Variants in FLACC1 observed in about 807,000 individuals in gnomAD.
The protein encoded by FLACC1 is flagellum associated containing coiled-coil domains 1.
A neutral mutation model predicts 62.8 loss-of-function variants in FLACC1; 66 were observed. That is an observed-to-expected ratio of 1.05 (90% confidence interval 0.86 to 1.29). The LOEUF (loss-of-function observed/expected upper bound fraction) is 1.29. Ranked by LOEUF, FLACC1 falls within the 50% of genes most tolerant of loss-of-function variation. FLACC1 has a pLI of 0.00. For synonymous variants in FLACC1, 156 were observed against 161.0 expected (o/e 0.97, Z 0.24); for missense variants, 452 against 489.1 (o/e 0.92, Z 0.71).
intron 9 of FLACC1, among the ~76,000 whole-genome samples, chr2:201,320,682 C>T (rs1197214281): frequency 6.6e-6 from 1 of 152,176 alleles, no homozygotes; most frequent in African/African-American, 2.4e-5. Context: ...TGCTGCTTGC[C>T]CTGCACAGGG....
In FLACC1 at chr2:201,289,787, T is replaced by G. The variant is rs996032795; in HGVS notation, c.943-2A>C. On this transcript the variant is annotated splice_acceptor_variant, in intron 12 of 14. Coordinates refer to ENST00000392257, the MANE Select transcript of FLACC1 (RefSeq NM_001127391.3). LOFTEE classifies it high-confidence loss of function. ...TGCATGCAATTCTTCCTGCATGACC[T>G]GCATAAGAAGAAGCTGTTGCAGGAC... The G allele has an allele frequency of 2.5e-6, 4 of 1,614,092 alleles. No homozygotes were observed. In the African/African-American group the frequency reaches 5.3e-5, roughly 22 times the overall value.
At chr2:201,344,627 A>C (rs1950877660) in intron 5 of FLACC1, among the ~76,000 whole-genome samples, 1 of 152,202 alleles carries the variant, frequency 6.6e-6, no homozygotes, top group Admixed American at 6.5e-5. Context: ...AGGATTAGGA[A>C]ATTAGAAGAT....
chr2:201,348,161 C>T, intron 4 of FLACC1, 93 bp downstream of exon 4: 1 of 1,267,512 alleles, frequency 7.9e-7, no homozygotes, highest in South Asian at 1.4e-5. Flanking sequence ...GAAGATTCGA[C>T]AAGGTAAGTA....
chr2:201,352,480 C>T (rs535707351), intron 1 of FLACC1, among the ~76,000 whole-genome samples: 7 of 152,198 alleles, frequency 4.6e-5, no homozygotes, highest in African/African-American at 1.7e-4. Context: ...GATTTAGTTC[C>T]ACAAGAGCAA....
intron 9 of FLACC1, among the ~76,000 whole-genome samples, chr2:201,323,230 G>C (rs965299495): frequency 1.3e-5 from 2 of 152,142 alleles, no homozygotes; most frequent in African/African-American, 4.8e-5. Flanking sequence ...CCAAATCCAA[G>C]AAGCTCAAAG....
intron 7 of FLACC1, among the ~76,000 whole-genome samples, chr2:201,338,261 C>T (rs895416093): frequency 1.3e-5 from 2 of 152,152 alleles, no homozygotes; most frequent in Non-Finnish European, 2.9e-5. Context: ...TTATATTCTG[C>T]AACTTTACTG....
At chr2:201,363,130 G>A in the FLACC1 span, among the ~76,000 whole-genome samples, 3 of 152,132 alleles carry the variant, frequency 2.0e-5, no homozygotes, top group Admixed American at 2.0e-4. Context: ...TGCTTGTCTG[G>A]ACCAGCAGCC....
intron 7 of FLACC1, among the ~76,000 whole-genome samples, chr2:201,335,615 T>C (rs1409184418): frequency 6.6e-6 from 1 of 152,142 alleles, no homozygotes; most frequent in African/African-American, 2.4e-5. Flanking sequence ...TCACGTGCCT[T>C]TAGCTTTGTT....
intron 12 of FLACC1, among the ~76,000 whole-genome samples, chr2:201,294,960 C>T (rs887931753): frequency 8.5e-5 from 13 of 152,126 alleles, no homozygotes; most frequent in African/African-American, 2.4e-4. Context: ...GAATCCAACT[C>T]ACAAGGGATG....
At chr2:201,318,084 C>T (rs1213075975) in intron 9 of FLACC1, among the ~76,000 whole-genome samples, 2 of 152,136 alleles carry the variant, frequency 1.3e-5, no homozygotes, top group Non-Finnish European at 2.9e-5. Context: ...TCATCTTACA[C>T]AAAAATAAAC....
intron 7 of FLACC1, among the ~76,000 whole-genome samples, chr2:201,333,363 T>C (rs1950630789): frequency 6.6e-6 from 1 of 152,190 alleles, no homozygotes; most frequent in African/African-American, 2.4e-5. Flanking sequence ...TTTTGAGAAA[T>C]GTCTATTCAG....
At chr2:201,295,316 A>G (rs1353176413) in intron 12 of FLACC1, among the ~76,000 whole-genome samples, 1 of 152,224 alleles carries the variant, frequency 6.6e-6, no homozygotes, top group Non-Finnish European at 1.5e-5. Context: ...AAACAGAGAT[A>G]TAGACCAATG....
intron 11 of FLACC1, among the ~76,000 whole-genome samples, chr2:201,305,835 C>A (rs1194260946): frequency 6.6e-6 from 1 of 151,354 alleles, no homozygotes; most frequent in African/African-American, 2.4e-5. Flanking sequence ...ATTGCAAGGA[C>A]AGAAAACCAA....
upstream of FLACC1, among the ~76,000 whole-genome samples, chr2:201,360,590 TCTGACTTTAGAGTGGTG>T (rs1248586503): frequency 6.6e-6 from 1 of 152,226 alleles, no homozygotes; most frequent in East Asian, 1.9e-4. Context: ...GCTTTCAACA[TCTGACTTTAGAGTGGTG>T]CTATGCTAAC....
intron 14 of FLACC1, among the ~76,000 whole-genome samples, chr2:201,289,181 C>T (rs1949666998): frequency 6.6e-6 from 1 of 152,124 alleles, no homozygotes; most frequent in African/African-American, 2.4e-5. Flanking sequence ...TAGAACTGAG[C>T]AAACTCAGAA....
intron 1 of FLACC1, among the ~76,000 whole-genome samples, chr2:201,353,743 G>T (rs551277076): frequency 6.6e-6 from 1 of 152,108 alleles, no homozygotes; most frequent in South Asian, 2.1e-4. Context: ...TCCTACAAGT[G>T]CCCACCACTA....
chr2:201,292,181 T>C (rs1949751709), intron 12 of FLACC1, among the ~76,000 whole-genome samples: 1 of 152,064 alleles, frequency 6.6e-6, no homozygotes, highest in African/African-American at 2.4e-5. Context: ...GAGAACAGCA[T>C]AAAGATACTC....
intron 12 of FLACC1, among the ~76,000 whole-genome samples, chr2:201,295,701 A>C (rs1949844861): frequency 1.3e-5 from 2 of 152,224 alleles, no homozygotes; most frequent in African/African-American, 2.4e-5. Flanking sequence ...CAGCAAAAGA[A>C]ACTACCATCA....
In FLACC1 at chr2:201,346,411, C is replaced by T. The variant is rs1014403739; in HGVS notation, c.368+131G>A. The T allele has an allele frequency of 5.3e-6, 7 of 1,313,830 alleles. No homozygotes were observed. The highest frequency in any genetic ancestry group is 6.3e-6 in the Non-Finnish European group (6 of 959,346). The allele number at this position is 1,313,830 out of a possible 1,614,324, so 81.4% of individuals were successfully genotyped here. Reference sequence around the variant, plus strand: ...GGAAGCAGGGGCGAGGAGGGAGGTGCCCTTGCGGCCCCTCCAGAGCAGGGA... The same window carrying T: ...GGAAGCAGGGGCGAGGAGGGAGGTGTCCTTGCGGCCCCTCCAGAGCAGGGA... On this transcript the variant is annotated intron_variant, in intron 5 of 14. Coordinates refer to ENST00000392257, the MANE Select transcript of FLACC1 (RefSeq NM_001127391.3). The surrounding 1 kb of genome is among the most constrained non-coding windows in gnomAD (Gnocchi z 4.0).
Sources: allele counts gnomAD v4.1 joint callset (sites outside exome capture counted in the v4.1 genomes callset), GRCh38; gene constraint gnomAD v4.1.1; non-coding constraint Gnocchi (gnomAD v3.1); transcripts MANE v1.5; gene names NCBI Gene and HGNC (gene_info 2026-07-23, HGNC 2026-07-21).